Variants in PRKCI observed in about 807,000 individuals in gnomAD.
PRKCI encodes protein kinase C iota type.
A neutral mutation model predicts 84.0 loss-of-function variants in PRKCI; 43 were observed. That is an observed-to-expected ratio of 0.51 (90% CI 0.40 to 0.66). The LOEUF is 0.66. Ranked by LOEUF, PRKCI falls within the 30% of genes least tolerant of loss-of-function variation. The pLI is 0.00. For synonymous variants in PRKCI, 216 were observed against 234.4 expected (o/e 0.92, Z 0.72); for missense variants, 459 against 745.6 (o/e 0.62, Z 4.48).
At chr3:170,282,848 TG>T (rs1473910733) in intron 11 of PRKCI, among the ~76,000 whole-genome samples, 2 of 152,096 alleles carry the variant, frequency 1.3e-5, no homozygotes, top group Non-Finnish European at 2.9e-5. Context: ...GGCTCATGCC[TG>T]TAATCCCAGC....
chr3:170,223,099 T>C (rs1732536805), intron 1 of PRKCI, among the ~76,000 whole-genome samples: 1 of 152,050 alleles, frequency 6.6e-6, no homozygotes, highest in Admixed American at 6.6e-5. Context: ...CATCCTTAAG[T>C]CTGGGTGTAT....
chr3:170,275,310 A>T, intron 8 of PRKCI, 23 bp downstream of exon 8: 1 of 1,580,774 alleles, frequency 6.3e-7, no homozygotes. Context: ...GTCTTATTGT[A>T]CATTATATCA....
At chr3:170,268,926 T>A (rs9833936) in intron 5 of PRKCI, among the ~76,000 whole-genome samples, 4,872 of 152,150 alleles carry the variant, frequency 0.032, 218 homozygotes, top group South Asian at 0.12. Flanking sequence ...ATTTTTTTTT[T>A]ATTTTAAAGA....
intron 4 of PRKCI, among the ~76,000 whole-genome samples, chr3:170,266,466 G>T (rs1041543334): frequency 1.1e-4 from 17 of 151,648 alleles, no homozygotes; most frequent in African/African-American, 3.4e-4. Context: ...TTTGCCAAAG[G>T]TATTTAATAC....
intron 4 of PRKCI, 45 bp from the exon 5 acceptor site, chr3:170,267,870 C>T: frequency 7.2e-7 from 1 of 1,390,652 alleles, no homozygotes; most frequent in Non-Finnish European, 9.8e-7. Context: ...GATTTTTACT[C>T]AAACTTGCTC....
At chr3:170,256,818 C>T (rs1180273173) in intron 2 of PRKCI, among the ~76,000 whole-genome samples, 1 of 152,112 alleles carries the variant, frequency 6.6e-6, no homozygotes, top group Non-Finnish European at 1.5e-5. Context: ...GCTATAAACT[C>T]ACCTCTTAGT....
chr3:170,281,736 G>A (rs1734256778), intron 10 of PRKCI, 146 bp from the exon 11 acceptor site: 4 of 1,056,388 alleles, frequency 3.8e-6, no homozygotes, highest in Non-Finnish European at 5.2e-6. Context: ...CCGTACCCTA[G>A]ATACCCTTTG....
intron 2 of PRKCI, among the ~76,000 whole-genome samples, chr3:170,252,082 C>T (rs113091694): frequency 0.016 from 2,479 of 151,452 alleles, 79 homozygotes; most frequent in African/African-American, 0.057. Flanking sequence ...GGCGTGGCGG[C>T]GTGTGCCTGT....
intron 7 of PRKCI, among the ~76,000 whole-genome samples, 162 bp downstream of exon 7, chr3:170,273,502 A>T (rs1734045297): frequency 6.6e-6 from 1 of 152,204 alleles, no homozygotes; most frequent in Admixed American, 6.5e-5. Context: ...TATTTAACAT[A>T]CACATTTGGC....
intron 1 of PRKCI, among the ~76,000 whole-genome samples, chr3:170,224,712 C>T (rs970760315): frequency 1.6e-4 from 24 of 152,076 alleles, no homozygotes; most frequent in African/African-American, 4.6e-4. Flanking sequence ...TTAGTAGAGA[C>T]GGGGTTTCAC....
At chr3:170,233,574 G>A (rs1209064061) in intron 1 of PRKCI, among the ~76,000 whole-genome samples, 1 of 152,174 alleles carries the variant, frequency 6.6e-6, no homozygotes, top group Admixed American at 6.5e-5. Flanking sequence ...TCTGGTGATT[G>A]TGGAATGTTA....
intron 10 of PRKCI, 46 bp from the exon 11 acceptor site, chr3:170,281,836 A>G (rs764080799): frequency 1.3e-6 from 2 of 1,550,378 alleles, no homozygotes; most frequent in Admixed American, 2.0e-5. Flanking sequence ...AAGTTACACT[A>G]CCTTATTTTG....
rs571889871 is a variant in PRKCI, at chr3:170,250,886, A to G, written c.224-9083A>G. On this transcript the variant is annotated intron_variant, in intron 2 of 17. Coordinates refer to ENST00000295797, the MANE Select transcript of PRKCI (RefSeq NM_002740.6). ...ATCAGTGTACTGAGTTTTGATCAAAAATAGTGTACCTGTGTAGTGTGGTTA... is the reference window on the plus strand; with the variant it reads ...ATCAGTGTACTGAGTTTTGATCAAAGATAGTGTACCTGTGTAGTGTGGTTA... Among the ~76,000 whole-genome samples, 71 of 152,294 alleles carry G rather than the reference A, an allele frequency of 4.7e-4. 1 individual carries two copies. Among genetic ancestry groups the G allele is most frequent in the African/African-American group, 1.6e-3 (68 of 41,580 alleles).
rs150318865 is a variant in PRKCI at position 170,261,921 on chromosome 3, A to G, written c.314-1458A>G. On this transcript the variant is annotated intron_variant, in intron 3 of 17. Transcript: ENST00000295797. Reference sequence around the variant, plus strand: ...CAGAATAAAATTACAATGAATGCATAAAGAAGTGATTGATGAATGGTATTA... The same window carrying G: ...CAGAATAAAATTACAATGAATGCATGAAGAAGTGATTGATGAATGGTATTA... Among the ~76,000 whole-genome samples the G allele has an allele frequency of 5.8e-3, 886 of 152,362 alleles. 3 individuals carry two copies. The highest frequency in any genetic ancestry group is 0.017 in the Middle Eastern group (5 of 294).
At chr3:170,287,039 A>G (rs1419897093) in intron 12 of PRKCI, among the ~76,000 whole-genome samples, 1 of 152,100 alleles carries the variant, frequency 6.6e-6, no homozygotes, top group Non-Finnish European at 1.5e-5. Flanking sequence ...GACTGAAGAT[A>G]TTTGTAAAAA....
At chr3:170,233,862 A>T (rs542523489) in intron 1 of PRKCI, among the ~76,000 whole-genome samples, 53 of 151,746 alleles carry the variant, frequency 3.5e-4, no homozygotes, top group African/African-American at 1.3e-3. Flanking sequence ...CTGGGATTAT[A>T]GGCACCCACC....
chr3:170,247,432 C>T (rs1183246728), intron 2 of PRKCI, among the ~76,000 whole-genome samples: 1 of 151,370 alleles, frequency 6.6e-6, no homozygotes, highest in Non-Finnish European at 1.5e-5. Flanking sequence ...CTTCATCTCT[C>T]CTGATGTGAA....
rs1027486265 is a variant in PRKCI at position 170,238,063 on chromosome 3, TA to T, written c.223+2721del. Among the ~76,000 whole-genome samples the T allele has an allele frequency of 4.6e-5, 7 of 151,400 alleles. No homozygotes were observed. In the East Asian group the frequency reaches 1.2e-3, roughly 25 times the overall value. On this transcript the variant is annotated intron_variant, in intron 2 of 17. Coordinates refer to ENST00000295797, the MANE Select transcript of PRKCI (RefSeq NM_002740.6). ...CACCCACCCTGGCCCTCCATGGCCT[TA>T]AAAAAAAATTATATGGGGCCGGGCA...
At chr3:170,292,933 C>T (rs1205837752) in intron 13 of PRKCI, among the ~76,000 whole-genome samples, 4 of 134,656 alleles carry the variant, frequency 3.0e-5, no homozygotes, top group East Asian at 2.4e-4. Context: ...CTCAGCTACT[C>T]GGGAGGCCGA....
Sources: gnomAD v4.1 joint callset for allele counts (sites outside exome capture counted in the v4.1 genomes callset) on GRCh38, gnomAD v4.1.1 for gene constraint, MANE v1.5 for transcripts, NCBI Gene and HGNC (gene_info 2026-07-23, HGNC 2026-07-21) for gene names.